SCAP: variants seen among roughly 807,000 people sequenced by gnomAD.
SCAP encodes the protein sterol regulatory element-binding protein cleavage-activating protein.
SCAP carries 65 observed loss-of-function variants against 123.6 expected under a neutral mutation model. The observed-to-expected ratio is 0.53, with a 90% confidence interval of 0.43 to 0.65. The LOEUF (loss-of-function observed/expected upper bound fraction) is 0.65. SCAP is among the 30% of genes least tolerant of loss of function. SCAP has a pLI of 0.00. For synonymous variants in SCAP, 740 were observed against 726.3 expected (o/e 1.02, Z -0.30); for missense variants, 1,398 against 1,712.5 (o/e 0.82, Z 3.24).
In SCAP at chr3:47,450,455, T is replaced by C. The variant is rs561396694; in HGVS notation, c.-98-7364A>G. Among the ~76,000 whole-genome samples, 3 of 122,556 alleles carry C rather than the reference T, an allele frequency of 2.4e-5. No individual in the cohort carries two copies. The South Asian group carries it at 9.0e-4, about 37-fold the overall frequency. 80.4% of individuals were successfully genotyped at this position (122,556 alleles called of 152,430 possible). A position where few individuals can be genotyped will look rare whatever the true frequency, so the allele number is the denominator to read the frequency against. ...ATACAAAAAGTGCACAAAAGGAGAA[T>C]AGAGGGAAACGTTAGTAGTGGTTGC... On this transcript the variant is annotated intron_variant, in intron 1 of 22. Transcript: ENST00000265565.
At chr3:47,464,207 G>A (rs1707745731) in intron 1 of SCAP, among the ~76,000 whole-genome samples, 2 of 152,054 alleles carry the variant, frequency 1.3e-5, no homozygotes, top group East Asian at 1.9e-4. Flanking sequence ...GTAGAGACGG[G>A]GTTTCACCAT....
intron 1 of SCAP, among the ~76,000 whole-genome samples, chr3:47,444,403 G>A (rs1706942758): frequency 6.6e-6 from 1 of 152,214 alleles, no homozygotes; most frequent in African/African-American, 2.4e-5. Context: ...AAAGCCAAAA[G>A]GAATGCCTAT....
chr3:47,418,872 G>T (rs758408675), intron 13 of SCAP, 29 bp from the exon 14 acceptor site: 1 of 1,491,424 alleles, frequency 6.7e-7, no homozygotes, highest in Non-Finnish European at 8.9e-7. Flanking sequence ...CAGCCTCAGC[G>T]GGGGGCCTCC....
At chr3:47,446,807 G>A (rs1044328576) in intron 1 of SCAP, among the ~76,000 whole-genome samples, 1 of 151,996 alleles carries the variant, frequency 6.6e-6, no homozygotes, top group African/African-American at 2.4e-5. Flanking sequence ...AGCAGGGCAG[G>A]GTGGCACATG....
At chr3:47,428,945 G>A (rs931936110) in intron 3 of SCAP, 5 of 343,188 alleles carry the variant, frequency 1.5e-5, no homozygotes, top group Middle Eastern at 8.6e-4. Context: ...TGAGCTTGCC[G>A]ATGTCACAGC....
At chr3:47,422,687 G>T in intron 9 of SCAP, 151 bp from the exon 10 acceptor site, 1 of 592,080 alleles carries the variant, frequency 1.7e-6, no homozygotes, top group South Asian at 2.3e-5. Context: ...AACCCTCAGG[G>T]TCCTGCTAAT....
chr3:47,448,097 G>GT (rs1272636151), intron 1 of SCAP, among the ~76,000 whole-genome samples: 1 of 149,600 alleles, frequency 6.7e-6, no homozygotes, highest in Non-Finnish European at 1.5e-5. Context: ...GAACTGGCAT[G>GT]TTGAGTCTTC....
Position 47,422,520 on chromosome 3 carries a change from G to C in SCAP, c.1167C>G (p.Ser389Arg). The part of the protein sequence containing the change: ...LRIAQGLSSE[S>R]WSIMKNMATE... ...TGGCCATGTTCTTCATGATGGACCA[G>C]CTCTCGCTGCTTAGGCCTGCAGAGG... The change falls in exon 10 of 23, where the codon AGC becomes AGG. Residue 389 changes from serine (S) to arginine (R), a missense_variant. Physicochemically the swap from Ser to Arg is moderately radical, Grantham distance 110. Coordinates refer to ENST00000265565, the MANE Select transcript of SCAP (RefSeq NM_012235.4). The C allele has an allele frequency of 6.2e-7, 1 of 1,613,062 alleles. No individual in the cohort carries two copies. Among genetic ancestry groups the C allele is most frequent in the South Asian group, 1.1e-5 (1 of 91,004 alleles).
At chr3:47,426,291 C>T in intron 6 of SCAP, 122 bp from the exon 7 acceptor site, 1 of 970,244 alleles carries the variant, frequency 1.0e-6, no homozygotes, top group Non-Finnish European at 1.5e-6. Context: ...AAGGGAACTT[C>T]TCTATGGTGC....
chr3:47,442,958 A>C lies in SCAP; in HGVS notation c.36T>G (p.Ser12=), dbSNP rs1171887193. The C allele has an allele frequency of 6.2e-7, 1 of 1,614,130 alleles. No individual in the cohort carries two copies. The highest frequency in any genetic ancestry group is 1.1e-5 in the South Asian group (1 of 91,076). The change falls in exon 2 of 23, where the codon TCT becomes TCG. Residue 12 remains serine (S), a synonymous_variant. Transcript: ENST00000265565. ...TLTERLREKI[S]RAFYNHGLLC... Reference sequence around the variant, plus strand: ...GGAGCCCATGGTTGTAGAAGGCCCGAGATATCTTCTCACGCAGCCTTTCAG... The same window carrying C: ...GGAGCCCATGGTTGTAGAAGGCCCGCGATATCTTCTCACGCAGCCTTTCAG...
chr3:47,419,222 T>C lies in SCAP; in HGVS notation c.1940+106A>G, dbSNP rs1705782585. 4 of 1,409,908 alleles carry C rather than the reference T, an allele frequency of 2.8e-6. No homozygotes were observed. The highest frequency in any genetic ancestry group is 3.8e-6 in the Non-Finnish European group (4 of 1,043,948). 87.3% of individuals were successfully genotyped at this position (1,409,908 alleles called of 1,614,324 possible). On this transcript the variant is annotated intron_variant, in intron 13 of 22. Transcript: ENST00000265565. The surrounding 1 kb of genome is among the most constrained non-coding windows in gnomAD (Gnocchi z 5.0). ...TCCCACCTCACAACCTTATGAACTG[T>C]TTTAATTATTTGCATAATTCAAACC...
rs758968695 is a variant in SCAP, at chr3:47,417,630, A to G, written c.2644T>C (p.Ser882Pro). 1 of 1,608,444 alleles carries G rather than the reference A, an allele frequency of 6.2e-7. No homozygotes were observed. Among genetic ancestry groups the G allele is most frequent in the South Asian group, 1.1e-5 (1 of 90,640 alleles). The part of the protein sequence containing the change: ...DLTCLIDTNF[S>P]AQPRSSQPTQ... ...GGCTGTGAGGACCGAGGCTGCGCTGAAAAGTTGGTGTCAATTAAGCAGGTG... is the reference window on the plus strand; with the variant it reads ...GGCTGTGAGGACCGAGGCTGCGCTGGAAAGTTGGTGTCAATTAAGCAGGTG... The change falls in exon 17 of 23, where the codon TCA becomes CCA. Residue 882 changes from serine to proline, a missense_variant. Physicochemically the swap from Ser to Pro is moderately conservative, Grantham distance 74. Coordinates refer to ENST00000265565, the MANE Select transcript of SCAP (RefSeq NM_012235.4).
chr3:47,429,936 G>C (rs1284225763), intron 3 of SCAP, among the ~76,000 whole-genome samples: 1 of 152,172 alleles, frequency 6.6e-6, no homozygotes, highest in Non-Finnish European at 1.5e-5. Context: ...CAGAGTAGCG[G>C]GTTTTGAAGA....
At chr3:47,430,502 T>G (rs1456744336) in intron 3 of SCAP, among the ~76,000 whole-genome samples, 1 of 152,170 alleles carries the variant, frequency 6.6e-6, no homozygotes, top group East Asian at 1.9e-4. Context: ...GAATGTGAGT[T>G]GCAAGGGATG....
Position 47,427,453 on chromosome 3 carries a change from G to GCCC in SCAP, c.624_625insGGG (p.Thr208_Leu209insGly). 1 of 1,614,184 alleles carries GCCC rather than the reference G, an allele frequency of 6.2e-7. No individual in the cohort carries two copies. The highest frequency in any genetic ancestry group is 8.5e-7 in the Non-Finnish European group (1 of 1,180,000). On this transcript the variant is annotated inframe_insertion, in exon 5 of 23. Transcript: ENST00000265565. Reference sequence around the variant, plus strand: ...GAACTTGTACTGGGGCTACCTTTGAGTGTGGCTGAAGTCTGCAGGGTTTTA... The same window carrying GCCC: ...GAACTTGTACTGGGGCTACCTTTGAGCCCTGTGGCTGAAGTCTGCAGGGTTTTA...
At position 47,414,018 on chromosome 3, in the gene SCAP, C is replaced by G; in HGVS notation, c.3676G>C (p.Asp1226His). 1 of 1,613,294 alleles carries G rather than the reference C, an allele frequency of 6.2e-7. No individual in the cohort carries two copies. Among genetic ancestry groups the G allele is most frequent in the Non-Finnish European group, 8.5e-7 (1 of 1,180,022 alleles). ...TGGQGCVSFW[D>H]LNYGDLLQTV... Reference sequence around the variant, plus strand: ...TGTAACAGGTCCCCGTAGTTTAGGTCCCAAAAGGAGACACAGCCCTGGCCG... The same window carrying G: ...TGTAACAGGTCCCCGTAGTTTAGGTGCCAAAAGGAGACACAGCCCTGGCCG... Residue 1226 changes from aspartate (D) to histidine (H), a missense_variant, in exon 23 of 23, where the codon GAC becomes CAC. By Grantham distance (81) the Asp-to-His change is moderately conservative. Transcript: ENST00000265565.
Position 47,418,811 on chromosome 3 carries a change from G to GT in SCAP, c.1972dup (p.Thr658AsnfsTer172). ...AGCCTCCCTCGGGTTCAGGCGGAGC[G>GT]TGACTGGGATGACGGGCAGCAGGCT... On this transcript the variant is annotated frameshift_variant, in exon 14 of 23. Transcript: ENST00000265565. LOFTEE classifies it high-confidence loss of function. The GT allele has an allele frequency of 6.5e-7, 1 of 1,535,210 alleles. No homozygotes were observed. Among genetic ancestry groups the GT allele is most frequent in the Non-Finnish European group, 8.7e-7 (1 of 1,144,904 alleles).
At chr3:47,426,438 A>T (rs1450302319) in intron 6 of SCAP, among the ~76,000 whole-genome samples, 1 of 151,430 alleles carries the variant, frequency 6.6e-6, no homozygotes, top group Non-Finnish European at 1.5e-5. Context: ...TTATTTATTT[A>T]TTTTATTTTT....
chr3:47,430,092 C>T (rs752150926), intron 3 of SCAP, among the ~76,000 whole-genome samples: 9 of 152,192 alleles, frequency 5.9e-5, no homozygotes, highest in East Asian at 1.9e-4. Context: ...ACACCACACA[C>T]GCATACAAAC....
Sources: gnomAD v4.1 joint callset for allele counts (sites outside exome capture counted in the v4.1 genomes callset) on GRCh38, gnomAD v4.1.1 for gene constraint, Gnocchi (gnomAD v3.1) non-coding constraint, MANE v1.5 for transcripts, NCBI Gene and HGNC (gene_info 2026-07-23, HGNC 2026-07-21) for gene names.